The following MOB3B variants were observed in gnomAD, a reference collection of about 807,000 sequenced individuals.
MOB3B encodes MOB kinase activator 3B.
MOB3B carries 7 observed loss-of-function variants against 18.7 expected under a neutral mutation model. The observed-to-expected ratio is 0.37, with a 90% CI of 0.21 to 0.70. MOB3B has a LOEUF of 0.70. Among genes scored for constraint, MOB3B ranks in the 30% least tolerant of loss-of-function variants. The probability of loss-of-function intolerance (pLI) is 0.52; values close to 1 mark genes in which losing one functional copy is unlikely to be tolerated. For synonymous variants in MOB3B, 111 were observed against 99.9 expected, an observed-to-expected ratio of 1.11 and a Z score of -0.66; for missense variants, 253 against 281.3, an observed-to-expected ratio of 0.90 and a Z score of 0.72.
At chr9:27,444,296 G>GAAGA (rs2054374300) in intron 2 of MOB3B, among the ~76,000 whole-genome samples, 1 of 98,648 alleles carries the variant, frequency 1.0e-5, no homozygotes, top group African/African-American at 3.3e-5. Flanking sequence ...GGGAAGGAAG[G>GAAGA]AAGGAAGAAA....
At chr9:27,400,981 G>C (rs548496539) in intron 2 of MOB3B, among the ~76,000 whole-genome samples, 24 of 152,322 alleles carry the variant, frequency 1.6e-4, no homozygotes, top group African/African-American at 5.8e-4. Context: ...ATCTGCTTGA[G>C]AACTTGTGTT....
chr9:27,359,158 T>C lies in MOB3B; in HGVS notation c.497A>G (p.Tyr166Cys). The change falls in exon 3 of 4, where the codon TAT (tyrosine) becomes TGT (cysteine). Residue 166 changes from tyrosine to cysteine, a missense_variant. Tyr to Cys is a radical substitution (Grantham distance 194). Transcript: ENST00000262244. ...CRLFRVFVHV[Y>C]IHHFDRVIVM... ...AATGACCCGGTCGAAGTGGTGGATA[T>C]AGACGTGGACAAAGACCCGGAAAAG... 6.2e-7 allele frequency: 1 copy of C among 1,614,124 alleles called. No homozygotes were observed. The highest frequency in any genetic ancestry group is 8.5e-7 in the Non-Finnish European group (1 of 1,180,016).
intron 1 of MOB3B, among the ~76,000 whole-genome samples, chr9:27,467,245 T>C (rs984940062): frequency 3.9e-5 from 6 of 152,238 alleles, no homozygotes; most frequent in African/African-American, 1.4e-4. Flanking sequence ...GTCCAGACTC[T>C]GCCCCTTGAC....
In MOB3B at chr9:27,506,950, G is replaced by A. The variant is rs554766426; in HGVS notation, c.-199+22605C>T. Among the ~76,000 whole-genome samples the A allele has an allele frequency of 2.0e-5, 3 of 151,956 alleles. No homozygotes were observed. The East Asian group carries it at 5.8e-4, about 29-fold the overall frequency. ...CTGCCTTGGCCTCGCAAAGTGCTGG[G>A]ATTACAGGGATGAGCCACTGCGCCC... is the stretch of plus-strand genomic sequence containing the variant. On this transcript the variant is annotated intron_variant, in intron 1 of 3. Transcript: ENST00000262244.
chr9:27,450,714 CAG>C, intron 2 of MOB3B, among the ~76,000 whole-genome samples: 1 of 152,258 alleles, frequency 6.6e-6, no homozygotes, highest in Admixed American at 6.5e-5. Flanking sequence ...GATTTCTGGC[CAG>C]ACACTCATGA....
chr9:27,371,752 C>T (rs1165623999), intron 2 of MOB3B, among the ~76,000 whole-genome samples: 1 of 151,974 alleles, frequency 6.6e-6, no homozygotes, highest in African/African-American at 2.4e-5. Context: ...GGAAAAAAGC[C>T]TCTCAGCCTT....
At chr9:27,466,683 G>A (rs115058866) in intron 1 of MOB3B, among the ~76,000 whole-genome samples, 2,082 of 152,246 alleles carry the variant, frequency 0.014, 49 homozygotes, top group African/African-American at 0.047. Flanking sequence ...CTTCTTATAC[G>A]GCAGCAGCAA....
In MOB3B at chr9:27,326,729, C is replaced by A. The variant is rs1027362269; in HGVS notation, c.*3858G>T. Reference sequence around the variant, plus strand: ...AAATACCCAGGGAAGAGAAAACGAACAATTTAAGAAGCAGGAAATGACTCT... The same window carrying A: ...AAATACCCAGGGAAGAGAAAACGAAAAATTTAAGAAGCAGGAAATGACTCT... On this transcript the variant is annotated 3_prime_UTR_variant, in exon 4 of 4. Transcript: ENST00000262244. The A allele has an allele frequency of 1.0e-5, 4 of 396,908 alleles. No homozygotes were observed. Among genetic ancestry groups the A allele is most frequent in the South Asian group, 1.4e-4 (1 of 7,028 alleles). 24.6% of individuals were successfully genotyped at this position (396,908 alleles called of 1,614,324 possible).
chr9:27,497,115 A>G (rs1469780001), intron 1 of MOB3B, among the ~76,000 whole-genome samples: 1 of 152,232 alleles, frequency 6.6e-6, no homozygotes, highest in Non-Finnish European at 1.5e-5. Flanking sequence ...GTAGCTTCCC[A>G]GAAAGATATT....
At chr9:27,488,224 C>A (rs1819760036) in intron 1 of MOB3B, among the ~76,000 whole-genome samples, 1 of 152,194 alleles carries the variant, frequency 6.6e-6, no homozygotes, top group South Asian at 2.1e-4. Context: ...TACAGAGAGA[C>A]TTTTCTTGCA....
At chr9:27,404,532 G>A (rs537122472) in intron 2 of MOB3B, among the ~76,000 whole-genome samples, 11 of 150,970 alleles carry the variant, frequency 7.3e-5, no homozygotes, top group Middle Eastern at 3.4e-3. Context: ...TAATTTTTGC[G>A]CTTTTAGTAG....
chr9:27,425,467 A>C (rs974372081), intron 2 of MOB3B, among the ~76,000 whole-genome samples: 27 of 152,184 alleles, frequency 1.8e-4, no homozygotes, highest in African/African-American at 6.3e-4. Flanking sequence ...AGAATTCAGA[A>C]TGGTGCTGTG....
chr9:27,504,567 A>G (rs1021199631), intron 1 of MOB3B, among the ~76,000 whole-genome samples: 8 of 152,114 alleles, frequency 5.3e-5, no homozygotes, highest in African/African-American at 1.7e-4. Flanking sequence ...GCTTGGGGAG[A>G]TAAAGGAAGG....
intron 1 of MOB3B, among the ~76,000 whole-genome samples, chr9:27,473,469 C>T (rs1375748169): frequency 2.6e-5 from 4 of 151,984 alleles, no homozygotes; most frequent in African/African-American, 7.2e-5. Context: ...GAGAAGCTGT[C>T]CAAGCTGGAC....
chr9:27,521,688 ATGTGTGTG>A (rs112921711), intron 1 of MOB3B, among the ~76,000 whole-genome samples: 1 of 149,818 alleles, frequency 6.7e-6, no homozygotes, highest in African/African-American at 2.4e-5. Context: ...ACTTTATAGA[ATGTGTGTG>A]TGTGTGTGTG....
chr9:27,346,155 C>T (rs1411446012), intron 3 of MOB3B, among the ~76,000 whole-genome samples: 1 of 152,160 alleles, frequency 6.6e-6, no homozygotes, highest in Non-Finnish European at 1.5e-5. Context: ...TGTGAGAATG[C>T]AGTGAGAAGG....
rs74178386 is a variant in MOB3B, at chr9:27,405,093, C to CTTT, written c.419-45860_419-45858dup. ...AGAAATATCTATTCAGAACCTTTGTCTTTTTTTTTTTTTTTTTTTTTTTTT... is the reference window on the plus strand; with the variant it reads ...AGAAATATCTATTCAGAACCTTTGTCTTTTTTTTTTTTTTTTTTTTTTTTTTTT... On this transcript the variant is annotated intron_variant, in intron 2 of 3. Transcript: ENST00000262244. Among the ~76,000 whole-genome samples, 93 of 48,420 alleles carry CTTT rather than the reference C, an allele frequency of 1.9e-3. 11 individuals carry two copies. Among genetic ancestry groups the CTTT allele is most frequent in the African/African-American group, 4.0e-3 (45 of 11,332 alleles). The allele number at this position is 48,420 out of a possible 152,430, so 31.8% of individuals were successfully genotyped here.
At chr9:27,393,609 G>C (rs1355315399) in intron 2 of MOB3B, among the ~76,000 whole-genome samples, 1 of 152,158 alleles carries the variant, frequency 6.6e-6, no homozygotes, top group Non-Finnish European at 1.5e-5. Context: ...ACATGGCTCT[G>C]CAAGGAATTT....
chr9:27,516,911 A>G (rs2131504360), intron 1 of MOB3B, among the ~76,000 whole-genome samples: 1 of 152,316 alleles, frequency 6.6e-6, no homozygotes, highest in South Asian at 2.1e-4. Flanking sequence ...GCTATCTCAG[A>G]CAATTCAAAG....
Sources: gnomAD v4.1 joint callset for allele counts (sites outside exome capture counted in the v4.1 genomes callset) on GRCh38, gnomAD v4.1.1 for gene constraint, MANE v1.5 for transcripts, NCBI Gene and HGNC (gene_info 2026-07-23, HGNC 2026-07-21) for gene names.